The following MACROD1 variants were observed in gnomAD, a reference collection of about 807,000 sequenced individuals.
MACROD1 encodes ADP-ribose glycohydrolase MACROD1.
MACROD1 carries 31 observed loss-of-function variants against 41.4 expected under a neutral mutation model. That is an observed-to-expected ratio of 0.75 (90% CI 0.56 to 1.01). The LOEUF (loss-of-function observed/expected upper bound fraction) is 1.01, where lower values mean the gene tolerates loss of function less well. Among genes scored for constraint, MACROD1 ranks in the 50% least tolerant of loss-of-function variants. MACROD1 has a pLI of 0.00. For synonymous variants in MACROD1, 252 were observed against 203.4 expected (o/e 1.24, Z -2.03); for missense variants, 473 against 460.0 (o/e 1.03, Z -0.26).
At position 64,166,107 on chromosome 11, in the gene MACROD1, C is replaced by T. The variant is rs1021131628; in HGVS notation, c.-113G>A. On this transcript the variant is annotated 5_prime_UTR_variant, in exon 1 of 11. Coordinates refer to ENST00000255681, the MANE Select transcript of MACROD1 (RefSeq NM_014067.4). ...GGTGGCGACTGCCAGCCAGCGGCGA[C>T]CTGCTCGGAGCCAGCGGGAGGCGCG... is the stretch of plus-strand genomic sequence containing the variant. The T allele has an allele frequency of 4.3e-6, 5 of 1,171,580 alleles. No homozygotes were observed. Among genetic ancestry groups the T allele is most frequent in the Non-Finnish European group, 3.2e-6 (3 of 934,420 alleles). The allele number at this position is 1,171,580 out of a possible 1,614,324, so 72.6% of individuals were successfully genotyped here.
chr11:64,058,083 G>A (rs190495834), intron 3 of MACROD1, among the ~76,000 whole-genome samples: 214 of 152,344 alleles, frequency 1.4e-3, no homozygotes, highest in Middle Eastern at 6.8e-3. Context: ...GAACAATTGC[G>A]AACCCATTAC....
At chr11:64,060,899 G>T (rs1943888309) in intron 3 of MACROD1, among the ~76,000 whole-genome samples, 1 of 152,034 alleles carries the variant, frequency 6.6e-6, no homozygotes, top group South Asian at 2.1e-4. Flanking sequence ...CGCCCCCGAG[G>T]CTCTTTGCAT....
chr11:64,098,200 A>G (rs2701541), intron 3 of MACROD1, among the ~76,000 whole-genome samples: 131,591 of 152,152 alleles, frequency 0.86, 57,725 homozygotes, highest in Non-Finnish European at 0.94. Context: ...GCACCCTCAC[A>G]GCCTCCCCCC....
intron 3 of MACROD1, among the ~76,000 whole-genome samples, chr11:64,091,521 A>C (rs937579838): frequency 2.0e-5 from 3 of 151,980 alleles, no homozygotes; most frequent in African/African-American, 7.3e-5. Context: ...GGTGGGTTAC[A>C]ACAGTAGCTG....
At chr11:64,022,174 G>A (rs979786139) in intron 3 of MACROD1, among the ~76,000 whole-genome samples, 6 of 152,006 alleles carry the variant, frequency 3.9e-5, no homozygotes, top group Admixed American at 1.3e-4. Flanking sequence ...GAGCTGCTGG[G>A]GGGTTTAGAC....
At chr11:64,035,608 AG>A (rs1943358853) in intron 3 of MACROD1, among the ~76,000 whole-genome samples, 1 of 108,886 alleles carries the variant, frequency 9.2e-6, no homozygotes, top group Admixed American at 1.5e-4. Context: ...AGGGCGGGGG[AG>A]GGGGGCGCGG....
intron 3 of MACROD1, among the ~76,000 whole-genome samples, chr11:64,110,042 C>T (rs1944832736): frequency 6.6e-6 from 1 of 152,122 alleles, no homozygotes; most frequent in East Asian, 1.9e-4. Context: ...GTACTCTGCA[C>T]ATATAATGTC....
At chr11:64,118,139 C>A in intron 3 of MACROD1, 1 of 1,613,718 alleles carries the variant, frequency 6.2e-7, no homozygotes, top group Non-Finnish European at 8.5e-7. Flanking sequence ...TGCTGCCCAT[C>A]AACCCGTACC....
chr11:64,021,956 A>G (rs962343864), intron 3 of MACROD1, among the ~76,000 whole-genome samples: 97 of 1,750 alleles, frequency 0.055, 1 homozygote, highest in Admixed American at 0.1. Context: ...GGGGGGTGTG[A>G]GGTGGCGGCG....
At chr11:64,028,928 G>T (rs1943258759) in intron 3 of MACROD1, among the ~76,000 whole-genome samples, 2 of 152,168 alleles carry the variant, frequency 1.3e-5, no homozygotes, top group African/African-American at 2.4e-5. Context: ...AGGCCAGCAG[G>T]CGAGGGCAGG....
intron 3 of MACROD1, chr11:64,138,527 T>C (rs1945363052): frequency 1.0e-6 from 1 of 985,470 alleles, no homozygotes; most frequent in Non-Finnish European, 1.2e-6. Context: ...TGGCGTTTGA[T>C]GATGTTTAAA....
At chr11:64,117,921 C>T (rs763526629) in intron 3 of MACROD1, 1 of 1,613,934 alleles carries the variant, frequency 6.2e-7, no homozygotes, top group Non-Finnish European at 8.5e-7. Context: ...GGCGAGCCTG[C>T]CCCTGGCGGG....
chr11:64,029,253 C>T (rs1943263024), intron 3 of MACROD1, among the ~76,000 whole-genome samples: 1 of 152,146 alleles, frequency 6.6e-6, no homozygotes, highest in African/African-American at 2.4e-5. Context: ...GAGGCTGAGG[C>T]CATAAAGCAG....
At chr11:64,151,528 T>G (rs1377372238) in intron 2 of MACROD1, among the ~76,000 whole-genome samples, 173 bp from the exon 3 acceptor site, 1 of 152,218 alleles carries the variant, frequency 6.6e-6, no homozygotes, top group Non-Finnish European at 1.5e-5. Flanking sequence ...GAGCACCTAC[T>G]GCGTGCTAAA....
At chr11:64,004,456 C>T (rs559847124) in intron 4 of MACROD1, among the ~76,000 whole-genome samples, 126 of 152,234 alleles carry the variant, frequency 8.3e-4, no homozygotes, top group African/African-American at 2.8e-3. Context: ...GGGAGCATTC[C>T]TCATGCTAAA....
At chr11:64,043,095 C>T (rs569785563) in intron 3 of MACROD1, among the ~76,000 whole-genome samples, 1 of 152,346 alleles carries the variant, frequency 6.6e-6, no homozygotes, top group African/African-American at 2.4e-5. Context: ...CGCCTCACGT[C>T]CCCTCTCTGT....
At chr11:64,035,652 C>G (rs962680934) in intron 3 of MACROD1, among the ~76,000 whole-genome samples, 2 of 149,882 alleles carry the variant, frequency 1.3e-5, no homozygotes, top group African/African-American at 2.4e-5. Flanking sequence ...CCAGAATCCC[C>G]GCGCGGCGGC....
chr11:64,018,917 G>A (rs2134346571), intron 3 of MACROD1, among the ~76,000 whole-genome samples: 1 of 152,324 alleles, frequency 6.6e-6, no homozygotes, highest in Non-Finnish European at 1.5e-5. Context: ...GTGTGAGGTG[G>A]GGGATGGGCA....
intron 3 of MACROD1, among the ~76,000 whole-genome samples, chr11:64,021,410 G>A (rs947528959): frequency 4.6e-5 from 7 of 152,354 alleles, no homozygotes; most frequent in Non-Finnish European, 1.0e-4. Context: ...CCCAGGGAGG[G>A]GGGCTGCCGA....
Sources: gnomAD v4.1 joint callset for allele counts (sites outside exome capture counted in the v4.1 genomes callset) on GRCh38, gnomAD v4.1.1 for gene constraint, MANE v1.5 for transcripts, NCBI Gene and HGNC (gene_info 2026-07-23, HGNC 2026-07-21) for gene names.